ANO4: variants seen among roughly 807,000 people sequenced by gnomAD.
The protein encoded by ANO4 is anoctamin 4.
In ANO4, 69 loss-of-function variants were observed where a neutral mutation model predicts 141.9. The ratio of observed to expected loss-of-function variants is 0.49; its 90% CI spans 0.40 to 0.59. The LOEUF is 0.59. ANO4 is among the 20% of genes least tolerant of loss of function. ANO4 has a pLI of 0.00. For missense variants in ANO4, 894 were observed against 1,162.2 expected, an observed-to-expected ratio of 0.77 and a Z score of 3.36; for synonymous variants, 350 against 394.3, an observed-to-expected ratio of 0.89 and a Z score of 1.33.
intron 17 of ANO4, among the ~76,000 whole-genome samples, chr12:101,093,013 A>C (rs1276904874): frequency 2.2e-4 from 33 of 152,250 alleles, no homozygotes; most frequent in Admixed American, 2.1e-3. Context: ...ATCTGTTCTT[A>C]TCTGTTGTTT....
At chr12:100,868,576 A>T (rs544511235) in intron 1 of ANO4, among the ~76,000 whole-genome samples, 80 of 152,258 alleles carry the variant, frequency 5.3e-4, no homozygotes, top group African/African-American at 1.8e-3. Context: ...CTTTATCTCC[A>T]TTGATAACAA....
rs944985476 is a variant in ANO4 at position 100,828,054 on chromosome 12, A to T, written c.-141+33027A>T. 2.4e-3 allele frequency among the ~76,000 whole-genome samples: 359 copies of T among 151,732 alleles called. 2 individuals are homozygous for T. Among genetic ancestry groups the T allele is most frequent in the African/African-American group, 7.9e-3 (326 of 41,414 alleles). ...TTGTGATACATACTCCTGTTAAAAAATTTTTTTTTGATTAATGTGCACCAG... is the reference window on the plus strand; with the variant it reads ...TTGTGATACATACTCCTGTTAAAAATTTTTTTTTTGATTAATGTGCACCAG... On this transcript the variant is annotated intron_variant, in intron 1 of 27. Coordinates refer to ENST00000392977, the MANE Select transcript of ANO4 (RefSeq NM_001286615.2).
chr12:100,755,625 A>G (rs933931863), intron 3 of ANO4, among the ~76,000 whole-genome samples: 11 of 152,224 alleles, frequency 7.2e-5, no homozygotes, highest in African/African-American at 2.2e-4. Context: ...AATGATCACT[A>G]TGCCTGTACT....
At chr12:100,749,384 G>A (rs1409155769) in intron 3 of ANO4, among the ~76,000 whole-genome samples, 1 of 152,180 alleles carries the variant, frequency 6.6e-6, no homozygotes, top group Non-Finnish European at 1.5e-5. Flanking sequence ...GAGGATCATT[G>A]GAAATGTTCA....
chr12:100,924,502 T>C (rs2041779682), intron 3 of ANO4, among the ~76,000 whole-genome samples: 1 of 152,126 alleles, frequency 6.6e-6, no homozygotes, highest in African/African-American at 2.4e-5. Context: ...AACTGAAGAT[T>C]AGGCTACTTT....
At chr12:101,025,445 G>GT (rs2046695755) in intron 9 of ANO4, among the ~76,000 whole-genome samples, 1 of 152,326 alleles carries the variant, frequency 6.6e-6, no homozygotes, top group East Asian at 1.9e-4. Context: ...GGCAGCGAGA[G>GT]TTCACAGAAG....
chr12:100,951,261 G>T (rs1199947451), intron 5 of ANO4, among the ~76,000 whole-genome samples: 1 of 152,150 alleles, frequency 6.6e-6, no homozygotes, highest in Non-Finnish European at 1.5e-5. Flanking sequence ...CAATCACTGT[G>T]GAAAGCAGTG....
At chr12:100,876,679 C>T (rs1362095927) in intron 1 of ANO4, among the ~76,000 whole-genome samples, 1 of 152,126 alleles carries the variant, frequency 6.6e-6, no homozygotes, top group East Asian at 1.9e-4. Context: ...GCAGAGAAGG[C>T]AGATTTCTCA....
At chr12:100,751,396 T>G (rs1393494246) in intron 3 of ANO4, among the ~76,000 whole-genome samples, 1 of 152,144 alleles carries the variant, frequency 6.6e-6, no homozygotes, top group African/African-American at 2.4e-5. Flanking sequence ...CTGCTGAGTA[T>G]CTGGATTCTG....
chr12:101,068,328 G>C (rs2048677437), intron 14 of ANO4: 2 of 1,223,152 alleles, frequency 1.6e-6, no homozygotes, highest in African/African-American at 2.9e-5. Context: ...AATGGTCCTT[G>C]AGAGAAGATG....
intron 13 of ANO4, chr12:101,048,134 A>T: frequency 9.3e-7 from 1 of 1,076,882 alleles, no homozygotes; most frequent in Non-Finnish European, 1.3e-6. Flanking sequence ...CATAAAGAGA[A>T]CAAATTGTAT....
intron 2 of ANO4, among the ~76,000 whole-genome samples, chr12:100,920,955 A>G (rs2041602910): frequency 1.3e-5 from 2 of 152,146 alleles, no homozygotes; most frequent in African/African-American, 2.4e-5. Flanking sequence ...GTCTGTTATC[A>G]TCATCCCTAT....
At chr12:100,993,425 C>T (rs686987) in intron 8 of ANO4, among the ~76,000 whole-genome samples, 4,053 of 152,112 alleles carry the variant, frequency 0.027, 110 homozygotes, top group Non-Finnish European at 0.035. Flanking sequence ...TTATTATCAC[C>T]AATTTACGGA....
intron 15 of ANO4, among the ~76,000 whole-genome samples, chr12:101,080,900 T>TATATATATATATATATATATATATAC (rs1194122665): frequency 7.6e-6 from 1 of 131,042 alleles, no homozygotes; most frequent in Non-Finnish European, 1.6e-5. Context: ...TATATATATA[T>TATATATATATATATATATATATATAC]ACATACACAT....
At chr12:101,093,176 T>C (rs1320628003) in intron 17 of ANO4, among the ~76,000 whole-genome samples, 1 of 152,198 alleles carries the variant, frequency 6.6e-6, no homozygotes, top group African/African-American at 2.4e-5. Context: ...TAATATATCC[T>C]AATATAGCAA....
intron 5 of ANO4, among the ~76,000 whole-genome samples, chr12:100,945,069 T>A (rs2042670379): frequency 6.6e-6 from 1 of 152,116 alleles, no homozygotes; most frequent in Non-Finnish European, 1.5e-5. Context: ...TAGGGACCCT[T>A]GTATATCTGA....
At chr12:100,750,335 G>T (rs755484402) in intron 3 of ANO4, among the ~76,000 whole-genome samples, 43 of 150,046 alleles carry the variant, frequency 2.9e-4, no homozygotes, top group Admixed American at 9.9e-4. Context: ...GTAGAGACAG[G>T]GTTTCGTCAT....
At chr12:100,927,341 T>G (rs1015087737) in intron 3 of ANO4, among the ~76,000 whole-genome samples, 2 of 152,150 alleles carry the variant, frequency 1.3e-5, no homozygotes, top group Non-Finnish European at 2.9e-5. Flanking sequence ...CAATTCCTAC[T>G]CTTGAGTTCA....
At chr12:100,994,500 A>G (rs1437991298) in intron 8 of ANO4, among the ~76,000 whole-genome samples, 1 of 152,234 alleles carries the variant, frequency 6.6e-6, no homozygotes, top group African/African-American at 2.4e-5. Context: ...TAATAGATAT[A>G]CAGGACATTC....
Sources: allele counts gnomAD v4.1 joint callset (sites outside exome capture counted in the v4.1 genomes callset), GRCh38; gene constraint gnomAD v4.1.1; transcripts MANE v1.5; gene names NCBI Gene and HGNC (gene_info 2026-07-23, HGNC 2026-07-21).